OLFM2: variants seen among roughly 807,000 people sequenced by gnomAD.
OLFM2 encodes the protein noelin-2.
Under a neutral mutation model 43.9 loss-of-function variants are expected in OLFM2, and 20 were observed. That is an observed-to-expected ratio of 0.46 (90% CI 0.32 to 0.66). OLFM2 has a LOEUF of 0.66. OLFM2 is among the 30% of genes least tolerant of loss of function. The pLI, the probability that OLFM2 is intolerant of heterozygous loss-of-function variation, is 0.04. For missense variants in OLFM2, 416 were observed against 643.6 expected (o/e 0.65, Z 3.83); for synonymous variants, 268 against 278.6 (o/e 0.96, Z 0.38).
rs765386032 is a variant in OLFM2 at position 9,857,216 on chromosome 19, G to A, written c.580+47C>T. 6.5e-7 allele frequency: 1 copy of A among 1,538,564 alleles called. No homozygotes were observed. The highest frequency in any genetic ancestry group is 1.1e-5 in the South Asian group (1 of 89,656). ...CACAAACAGGTGATACTGGAGTTGG[G>A]TGTGGCAGTCAGAGATCAGGGGTCA... On this transcript the variant is annotated intron_variant, in intron 4 of 5. Coordinates refer to ENST00000264833, the MANE Select transcript of OLFM2 (RefSeq NM_058164.4). This position sits in a 1 kb window ranked among gnomAD's most constrained non-coding sequence, Gnocchi z 5.7.
At chr19:9,910,285 T>C (rs1338527132) in intron 1 of OLFM2, among the ~76,000 whole-genome samples, 1 of 152,200 alleles carries the variant, frequency 6.6e-6, no homozygotes, top group African/African-American at 2.4e-5. Context: ...GTCACACAGC[T>C]AGTAAATTAC....
At chr19:9,914,878 G>GGCC (rs2046862841) in intron 1 of OLFM2, among the ~76,000 whole-genome samples, 1 of 151,544 alleles carries the variant, frequency 6.6e-6, no homozygotes, top group Non-Finnish European at 1.5e-5. Flanking sequence ...CTCAGCCCGC[G>GGCC]GCCGCCGCCG....
intron 1 of OLFM2, among the ~76,000 whole-genome samples, chr19:9,872,472 G>A (rs933920576): frequency 4.6e-5 from 7 of 151,728 alleles, no homozygotes; most frequent in Middle Eastern, 3.4e-3. Context: ...CCGAGATCAC[G>A]CCACTGCACT....
chr19:9,891,882 T>C (rs1049044668), intron 1 of OLFM2, among the ~76,000 whole-genome samples: 1 of 152,176 alleles, frequency 6.6e-6, no homozygotes, highest in Non-Finnish European at 1.5e-5. Context: ...CAGGTAGCTA[T>C]ATATAGGTTT....
intron 1 of OLFM2, among the ~76,000 whole-genome samples, chr19:9,871,812 T>C (rs565820226): frequency 9.2e-5 from 14 of 152,316 alleles, no homozygotes; most frequent in African/African-American, 3.1e-4. Flanking sequence ...TTTTGTTTGC[T>C]GTGCAAACAA....
chr19:9,899,269 A>G (rs1196670865), intron 1 of OLFM2, among the ~76,000 whole-genome samples: 2 of 113,416 alleles, frequency 1.8e-5, no homozygotes, highest in African/African-American at 1.1e-4. Flanking sequence ...CATCTCAATT[A>G]AAAAAAAAAA....
At chr19:9,864,214 A>C (rs190328871) in intron 1 of OLFM2, among the ~76,000 whole-genome samples, 33 of 152,348 alleles carry the variant, frequency 2.2e-4, no homozygotes, top group Admixed American at 2.0e-3. Flanking sequence ...TGTTCATGAA[A>C]TCTTCCAGGG....
intron 1 of OLFM2, among the ~76,000 whole-genome samples, chr19:9,933,279 T>C (rs1417742860): frequency 3.3e-5 from 5 of 152,216 alleles, no homozygotes; most frequent in Non-Finnish European, 7.3e-5. Context: ...TTCTGTTGCC[T>C]AGGCTGGAGT....
intron 1 of OLFM2, among the ~76,000 whole-genome samples, chr19:9,888,884 G>A (rs913166111): frequency 6.6e-6 from 1 of 151,994 alleles, no homozygotes; most frequent in African/African-American, 2.4e-5. Flanking sequence ...GGCTAACACG[G>A]TGAAACCCCG....
At chr19:9,929,274 G>C (rs1047650315) in intron 1 of OLFM2, among the ~76,000 whole-genome samples, 1 of 152,134 alleles carries the variant, frequency 6.6e-6, no homozygotes, top group African/African-American at 2.4e-5. Context: ...TTGAGATACA[G>C]AAGGCTCTCA....
At chr19:9,887,180 T>C (rs2046595050) in intron 1 of OLFM2, among the ~76,000 whole-genome samples, 1 of 152,140 alleles carries the variant, frequency 6.6e-6, no homozygotes, top group African/African-American at 2.4e-5. Flanking sequence ...TTTTTCTTTT[T>C]CTTTCATTTT....
chr19:9,897,095 A>T (rs2046692035), intron 1 of OLFM2, among the ~76,000 whole-genome samples: 1 of 151,998 alleles, frequency 6.6e-6, no homozygotes, highest in Admixed American at 6.6e-5. Context: ...TTGGGAGGCC[A>T]AGGTGGGCAG....
chr19:9,915,192 A>C (rs2046864938), intron 1 of OLFM2, among the ~76,000 whole-genome samples: 1 of 151,918 alleles, frequency 6.6e-6, no homozygotes, highest in Non-Finnish European at 1.5e-5. Flanking sequence ...ACAACAGACA[A>C]AAATGCCTGC....
Position 9,854,771 on chromosome 19 carries a change from G to A in OLFM2, c.780C>T (p.His260=), listed in dbSNP as rs1232266263. The part of the protein sequence containing the change: ...DFIKGQNFIQ[H]LLPQPWAGTG... ...TGCCCGCCCACGGCTGGGGCAGCAGGTGCTGGATAAAGTTCTGGCCTTTGA... is the reference window on the plus strand; with the variant it reads ...TGCCCGCCCACGGCTGGGGCAGCAGATGCTGGATAAAGTTCTGGCCTTTGA... Residue 260 remains histidine (H), a synonymous_variant, in exon 6 of 6, where the codon CAC becomes CAT. Transcript: ENST00000264833. The surrounding 1 kb of genome is among the most constrained non-coding windows in gnomAD (Gnocchi z 9.5). 5.6e-6 allele frequency: 9 copies of A among 1,613,130 alleles called. No individual in the cohort carries two copies. Among genetic ancestry groups the A allele is most frequent in the Admixed American group, 3.3e-5 (2 of 59,938 alleles).
Position 9,881,581 on chromosome 19 carries a change from T to C in OLFM2, c.64-20787A>G, listed in dbSNP as rs540507937. ...TTCAAGCCTCACTACAGCCTCAACCTCTTGGACTCAAGGGATCCTCTCAGC... is the reference window on the plus strand; with the variant it reads ...TTCAAGCCTCACTACAGCCTCAACCCCTTGGACTCAAGGGATCCTCTCAGC... On this transcript the variant is annotated intron_variant, in intron 1 of 5. Coordinates refer to ENST00000264833, the MANE Select transcript of OLFM2 (RefSeq NM_058164.4). Among the ~76,000 whole-genome samples the C allele has an allele frequency of 1.9e-4, 29 of 152,240 alleles. No individual in the cohort carries two copies. The South Asian group carries it at 5.8e-3, about 31-fold the overall frequency.
intron 1 of OLFM2, among the ~76,000 whole-genome samples, chr19:9,872,691 C>T (rs145528381): frequency 3.9e-5 from 6 of 152,212 alleles, no homozygotes; most frequent in African/African-American, 1.2e-4. Flanking sequence ...TCCATTCATT[C>T]ACCTTTCCAC....
At chr19:9,911,649 C>T (rs2046828558) in intron 1 of OLFM2, among the ~76,000 whole-genome samples, 2 of 152,152 alleles carry the variant, frequency 1.3e-5, no homozygotes, top group Non-Finnish European at 2.9e-5. Context: ...GATACTTGCA[C>T]ACACGTTTGC....
chr19:9,875,514 CT>C (rs35244050), intron 1 of OLFM2, among the ~76,000 whole-genome samples: 7,018 of 142,886 alleles, frequency 0.049, 567 homozygotes, highest in African/African-American at 0.17. Flanking sequence ...GAATTAGCAG[CT>C]TTTTTTTTTT....
At chr19:9,879,001 T>G (rs1013725341) in intron 1 of OLFM2, among the ~76,000 whole-genome samples, 3 of 151,938 alleles carry the variant, frequency 2.0e-5, no homozygotes, top group African/African-American at 7.2e-5. Flanking sequence ...TCTGGATTTG[T>G]GTCCCGTTCA....
Sources: gnomAD v4.1 joint callset for allele counts (sites outside exome capture counted in the v4.1 genomes callset) on GRCh38, gnomAD v4.1.1 for gene constraint, Gnocchi (gnomAD v3.1) non-coding constraint, MANE v1.5 for transcripts, NCBI Gene and HGNC (gene_info 2026-07-23, HGNC 2026-07-21) for gene names.